Variants in TRAF3 observed in about 807,000 individuals in gnomAD.
TRAF3 encodes TNF receptor-associated factor 3.
Under a neutral mutation model 62.3 loss-of-function variants are expected in TRAF3, and 13 were observed. The observed-to-expected ratio is 0.21, with a 90% CI of 0.14 to 0.33. The LOEUF (loss-of-function observed/expected upper bound fraction) is 0.33. Ranked by LOEUF, TRAF3 falls within the 10% of genes least tolerant of loss-of-function variation. The pLI is 1.00. For synonymous variants in TRAF3, 269 were observed against 283.4 expected (o/e 0.95, Z 0.51); for missense variants, 440 against 741.8 (o/e 0.59, Z 4.73).
intron 1 of TRAF3, among the ~76,000 whole-genome samples, chr14:102,800,426 CTT>C (rs1360540479): frequency 6.6e-6 from 1 of 152,216 alleles, no homozygotes; most frequent in Non-Finnish European, 1.5e-5. Context: ...CCTTGCCTCT[CTT>C]CTTTCCCAGC....
At chr14:102,901,239 C>T (rs1322361338) in intron 10 of TRAF3, among the ~76,000 whole-genome samples, 2 of 152,144 alleles carry the variant, frequency 1.3e-5, no homozygotes, top group Admixed American at 6.5e-5. Flanking sequence ...AGCACAATCG[C>T]GGGGAGGGGT....
chr14:102,886,183 C>G lies in TRAF3; in HGVS notation c.571-6C>G. 6.2e-7 allele frequency: 1 copy of G among 1,613,044 alleles called. No individual in the cohort carries two copies. The highest frequency in any genetic ancestry group is 1.1e-5 in the South Asian group (1 of 91,034). ...TTAAAGTTGATAGTACTTTCTCTCT[C>G]TGTAGAAACACGAAGACACCGACTG... On this transcript the variant is annotated splice_polypyrimidine_tract_variant and splice_region_variant and intron_variant, in intron 6 of 11. Coordinates refer to ENST00000392745, the MANE Select transcript of TRAF3 (RefSeq NM_145725.3).
chr14:102,868,531 A>C (rs1566784796), intron 2 of TRAF3, among the ~76,000 whole-genome samples: 1 of 152,192 alleles, frequency 6.6e-6, no homozygotes, highest in Non-Finnish European at 1.5e-5. Flanking sequence ...AAAGGTCGTA[A>C]GGCACTGGGC....
At chr14:102,851,365 G>T (rs79266363) in intron 2 of TRAF3, among the ~76,000 whole-genome samples, 81 of 152,232 alleles carry the variant, frequency 5.3e-4, no homozygotes, top group Non-Finnish European at 7.9e-4. Flanking sequence ...GCCACTTCTG[G>T]TGATAGGTCT....
At chr14:102,876,308 G>C in intron 5 of TRAF3, 50 bp from the exon 6 acceptor site, 1 of 1,600,850 alleles carries the variant, frequency 6.2e-7, no homozygotes, top group Non-Finnish European at 8.6e-7. Context: ...TGGTATTTCA[G>C]ATTTAGGGTT....
At chr14:102,861,664 G>A (rs138713210) in intron 2 of TRAF3, among the ~76,000 whole-genome samples, 103 of 152,298 alleles carry the variant, frequency 6.8e-4, no homozygotes, top group African/African-American at 2.3e-3. Flanking sequence ...CAGACCCCAA[G>A]AGAGGGTTAT....
At chr14:102,885,919 C>A (rs1889354404) in intron 6 of TRAF3, among the ~76,000 whole-genome samples, 1 of 152,170 alleles carries the variant, frequency 6.6e-6, no homozygotes, top group African/African-American at 2.4e-5. Flanking sequence ...TAAGGGGAAA[C>A]CCTTGTGGCG....
chr14:102,842,510 C>T (rs1247281034), intron 2 of TRAF3, among the ~76,000 whole-genome samples: 1 of 151,636 alleles, frequency 6.6e-6, no homozygotes, highest in Non-Finnish European at 1.5e-5. Context: ...AGTCAGCTGA[C>T]TTAAGATATG....
At chr14:102,795,897 T>C (rs965634832) in intron 1 of TRAF3, among the ~76,000 whole-genome samples, 1 of 152,146 alleles carries the variant, frequency 6.6e-6, no homozygotes, top group African/African-American at 2.4e-5. Flanking sequence ...TTGTAAGTCA[T>C]GCCTGTGTAA....
chr14:102,886,942 A>C (rs1241871914), intron 7 of TRAF3, among the ~76,000 whole-genome samples: 1 of 152,130 alleles, frequency 6.6e-6, no homozygotes, highest in Non-Finnish European at 1.5e-5. Flanking sequence ...ACTTAGAGAC[A>C]CTTCAGAACC....
At chr14:102,789,330 C>T (rs745619702) in intron 1 of TRAF3, among the ~76,000 whole-genome samples, 26 of 152,100 alleles carry the variant, frequency 1.7e-4, no homozygotes, top group Non-Finnish European at 3.4e-4. Flanking sequence ...CATTTGTGTA[C>T]AAGTTTCTGT....
At chr14:102,891,913 G>GT (rs959022196) in intron 9 of TRAF3, among the ~76,000 whole-genome samples, 1 of 151,856 alleles carries the variant, frequency 6.6e-6, no homozygotes, top group Non-Finnish European at 1.5e-5. Flanking sequence ...AAACTTCTGT[G>GT]TTTTTTACAA....
At chr14:102,833,465 C>G (rs142258687) in intron 2 of TRAF3, among the ~76,000 whole-genome samples, 1 of 152,254 alleles carries the variant, frequency 6.6e-6, no homozygotes, top group African/African-American at 2.4e-5. Context: ...CCTTCCTTTG[C>G]TTTTCCCTCA....
chr14:102,864,384 G>A (rs1164869204), intron 2 of TRAF3, among the ~76,000 whole-genome samples: 5 of 151,984 alleles, frequency 3.3e-5, no homozygotes, highest in East Asian at 3.9e-4. Flanking sequence ...TCCTGACCTC[G>A]TGATCTGCCC....
chr14:102,828,346 C>G (rs1900450392), intron 1 of TRAF3, among the ~76,000 whole-genome samples: 1 of 152,206 alleles, frequency 6.6e-6, no homozygotes, highest in Non-Finnish European at 1.5e-5. Flanking sequence ...CTCCCCTTCA[C>G]AACTGCTGAC....
chr14:102,911,386 C>G lies in TRAF3; in HGVS notation c.*5602C>G, dbSNP rs989596518. 6.6e-6 allele frequency: 1 copy of G among 152,264 alleles called. No individual in the cohort carries two copies. Among genetic ancestry groups the G allele is most frequent in the South Asian group, 2.1e-4 (1 of 4,820 alleles). The allele number at this position is 152,264 out of a possible 1,614,324, so 9.4% of individuals were successfully genotyped here. ...TATTTATTTGTGTTTTGAGGTCTTG[C>G]AATGTTTTTGTGTTTCTGATGCTAA... On this transcript the variant is annotated 3_prime_UTR_variant, in exon 12 of 12. Transcript: ENST00000392745.
chr14:102,893,712 G>T (rs537013725), intron 9 of TRAF3, among the ~76,000 whole-genome samples: 2 of 152,172 alleles, frequency 1.3e-5, no homozygotes, highest in African/African-American at 4.8e-5. Context: ...TGGAAGCCCC[G>T]AGAGTGCAGG....
intron 4 of TRAF3, among the ~76,000 whole-genome samples, chr14:102,872,571 C>T (rs1888400815): frequency 1.3e-5 from 2 of 152,252 alleles, no homozygotes; most frequent in Non-Finnish European, 2.9e-5. Context: ...CCACCAGCTT[C>T]TCTCCTGGGG....
chr14:102,891,810 T>C (rs1213004801), intron 9 of TRAF3, among the ~76,000 whole-genome samples: 2 of 152,088 alleles, frequency 1.3e-5, no homozygotes, highest in Non-Finnish European at 2.9e-5. Context: ...TTAAGAGACA[T>C]GTGGACTGTA....
Sources: allele counts gnomAD v4.1 joint callset (sites outside exome capture counted in the v4.1 genomes callset), GRCh38; gene constraint gnomAD v4.1.1; transcripts MANE v1.5; gene names NCBI Gene and HGNC (gene_info 2026-07-23, HGNC 2026-07-21).